Variants in NXPE2 observed in about 807,000 individuals in gnomAD.
The protein encoded by NXPE2 is NXPE family member 2.
A neutral mutation model predicts 34.4 loss-of-function variants in NXPE2; 34 were observed. That is an observed-to-expected ratio of 0.99 (90% CI 0.75 to 1.31). The LOEUF (loss-of-function observed/expected upper bound fraction) is 1.31. Among genes scored for constraint, NXPE2 ranks in the 40% most tolerant of loss-of-function variants. The probability of loss-of-function intolerance (pLI) is 0.00; values close to 1 mark genes in which losing one functional copy is unlikely to be tolerated. For missense variants in NXPE2, 649 were observed against 672.5 expected (o/e 0.97, Z 0.39); for synonymous variants, 235 against 231.3 (o/e 1.02, Z -0.15).
the NXPE2 span, chr11:114,571,291 T>G: frequency 2.5e-6 from 4 of 1,614,012 alleles, no homozygotes; most frequent in South Asian, 4.4e-5. Context: ...ATGACAGTAT[T>G]TTTTTCTCCT....
At chr11:114,759,228 C>T in the NXPE2 span, among the ~76,000 whole-genome samples, 52 of 152,342 alleles carry the variant, frequency 3.4e-4, no homozygotes, top group South Asian at 4.3e-3. Context: ...AGTTAACCCA[C>T]GGAGGTCCTC....
chr11:114,800,297 A>ATAAT, the NXPE2 span, among the ~76,000 whole-genome samples: 1 of 152,252 alleles, frequency 6.6e-6, no homozygotes, highest in Non-Finnish European at 1.5e-5. Context: ...TGCACATGAT[A>ATAAT]TAATTTTTCT....
chr11:114,762,715 C>T, the NXPE2 span, among the ~76,000 whole-genome samples: 1 of 152,152 alleles, frequency 6.6e-6, no homozygotes, highest in South Asian at 2.1e-4. Context: ...AAACAGAAGC[C>T]AGTCTTTAAA....
At chr11:114,612,171 G>C in the NXPE2 span, among the ~76,000 whole-genome samples, 1 of 151,878 alleles carries the variant, frequency 6.6e-6, no homozygotes, top group Non-Finnish European at 1.5e-5. Context: ...TGGATAATAA[G>C]TGTTGCCTCT....
the NXPE2 span, chr11:114,522,992 T>C: frequency 6.2e-7 from 1 of 1,613,804 alleles, no homozygotes; most frequent in Non-Finnish European, 8.5e-7. Flanking sequence ...TAACTGAACC[T>C]GGTTGCAAAA....
At chr11:114,551,146 A>G in the NXPE2 span, 7 of 1,534,200 alleles carry the variant, frequency 4.6e-6, no homozygotes, top group Non-Finnish European at 6.1e-6. Flanking sequence ...CCAGGTTACT[A>G]CTGAAAAAGA....
the NXPE2 span, among the ~76,000 whole-genome samples, chr11:114,644,241 T>G: frequency 6.6e-6 from 1 of 152,160 alleles, no homozygotes. Flanking sequence ...TTCGAATACC[T>G]TTATTTCTTT....
chr11:114,531,208 T>C, the NXPE2 span, among the ~76,000 whole-genome samples: 10 of 152,298 alleles, frequency 6.6e-5, no homozygotes, highest in East Asian at 1.9e-3. Flanking sequence ...AGAGAATGTC[T>C]GAACAGTTGT....
chr11:114,469,430 A>G, the NXPE2 span, among the ~76,000 whole-genome samples: 4 of 152,102 alleles, frequency 2.6e-5, no homozygotes, highest in Non-Finnish European at 5.9e-5. Flanking sequence ...TAGCTTTTTA[A>G]GAATAGCTTT....
chr11:114,522,418 C>G, the NXPE2 span: 1 of 1,613,804 alleles, frequency 6.2e-7, no homozygotes, highest in Non-Finnish European at 8.5e-7. Flanking sequence ...TATGTTTTTT[C>G]CATTGAATCT....
chr11:114,789,776 C>T, the NXPE2 span, among the ~76,000 whole-genome samples: 2 of 152,168 alleles, frequency 1.3e-5, no homozygotes, highest in African/African-American at 4.8e-5. Flanking sequence ...CACACTCGCT[C>T]CACTTATCTC....
At chr11:114,515,687 G>A in the NXPE2 span, among the ~76,000 whole-genome samples, 1 of 152,152 alleles carries the variant, frequency 6.6e-6, no homozygotes, top group South Asian at 2.1e-4. Context: ...TTTCTGGGAG[G>A]TGCAATGAGA....
chr11:114,560,424 G>T, the NXPE2 span, among the ~76,000 whole-genome samples: 1 of 151,746 alleles, frequency 6.6e-6, no homozygotes, highest in Non-Finnish European at 1.5e-5. Flanking sequence ...GCCACACCTG[G>T]CTAATATTTT....
the NXPE2 span, among the ~76,000 whole-genome samples, chr11:114,464,715 T>G: frequency 1.3e-5 from 2 of 152,136 alleles, no homozygotes; most frequent in Admixed American, 1.3e-4. Context: ...ACTGATAAAT[T>G]CAGTTGCATT....
At chr11:114,675,147 TAGA>T (rs1950843526), upstream of NXPE2, among the ~76,000 whole-genome samples, 1 of 151,606 alleles carries the variant, frequency 6.6e-6, no homozygotes. Flanking sequence ...GAAGGATTAT[TAGA>T]AGGATTATAC....
At chr11:114,539,383 T>A in the NXPE2 span, among the ~76,000 whole-genome samples, 161 of 152,186 alleles carry the variant, frequency 1.1e-3, no homozygotes, top group African/African-American at 3.8e-3. Context: ...TGTATACATA[T>A]GTAACAAACC....
chr11:114,663,586 C>CATCTATCTATCTATCTATCT, the NXPE2 span, among the ~76,000 whole-genome samples: 7 of 132,878 alleles, frequency 5.3e-5, no homozygotes, highest in East Asian at 4.5e-4. Context: ...CTCTATCTAT[C>CATCTATCTATCTATCTATCT]ATCTATCTAT....
chr11:114,635,327 T>G, the NXPE2 span, among the ~76,000 whole-genome samples: 3 of 150,376 alleles, frequency 2.0e-5, no homozygotes, highest in Non-Finnish European at 3.0e-5. Flanking sequence ...ATCCTGAGAC[T>G]TTGCTGAAGT....
chr11:114,543,876 T>C, the NXPE2 span, among the ~76,000 whole-genome samples: 1 of 152,172 alleles, frequency 6.6e-6, no homozygotes, highest in African/African-American at 2.4e-5. Context: ...ACTAAGTAAA[T>C]ATAGCAAGGT....
Sources: allele counts gnomAD v4.1 joint callset (sites outside exome capture counted in the v4.1 genomes callset), GRCh38; gene constraint gnomAD v4.1.1; transcripts MANE v1.5; gene names NCBI Gene and HGNC (gene_info 2026-07-23, HGNC 2026-07-21).